NAALADL2: variants seen among roughly 807,000 people sequenced by gnomAD.
NAALADL2 encodes inactive N-acetylated-alpha-linked acidic dipeptidase-like protein 2.
A neutral mutation model predicts 87.2 loss-of-function variants in NAALADL2; 76 were observed. That is an observed-to-expected ratio of 0.87 (90% CI 0.72 to 1.05). NAALADL2 has a LOEUF of 1.05. Ranked by LOEUF, NAALADL2 falls within the 50% of genes least tolerant of loss-of-function variation. The pLI is 0.00. For missense variants in NAALADL2, 1,089 were observed against 945.8 expected, an observed-to-expected ratio of 1.15 and a Z score of -1.99; for synonymous variants, 354 against 331.0, an observed-to-expected ratio of 1.07 and a Z score of -0.75.
chr3:175,660,801 C>T (rs1732146477), intron 11 of NAALADL2, among the ~76,000 whole-genome samples: 1 of 151,950 alleles, frequency 6.6e-6, no homozygotes, highest in Admixed American at 6.6e-5. Context: ...ACATAATGAC[C>T]TCCAGATCCA....
intron 3 of NAALADL2, among the ~76,000 whole-genome samples, chr3:175,236,278 T>A (rs1453575391): frequency 1.3e-5 from 2 of 152,034 alleles, no homozygotes; most frequent in Admixed American, 1.3e-4. Context: ...TAGCAGCACT[T>A]TGGGGAGGCC....
chr3:174,514,343 C>A (rs910525187), intron 1 of NAALADL2, among the ~76,000 whole-genome samples: 1 of 152,190 alleles, frequency 6.6e-6, no homozygotes, highest in East Asian at 1.9e-4. Flanking sequence ...ACAACAAAGT[C>A]TCTATGTATA....
At position 175,374,553 on chromosome 3, in the gene NAALADL2, G is replaced by GAAAAAAAAA. The variant is rs765485400; in HGVS notation, c.1090+50252_1090+50260dup. 2.2e-4 allele frequency among the ~76,000 whole-genome samples: 10 copies of GAAAAAAAAA among 45,408 alleles called. 1 individual carries two copies. Among genetic ancestry groups the GAAAAAAAAA allele is most frequent in the Admixed American group, 4.5e-4 (1 of 2,214 alleles). The allele number at this position is 45,408 out of a possible 152,430, so 29.8% of individuals were successfully genotyped here. A position where few individuals can be genotyped will look rare whatever the true frequency, so the allele number is the denominator to read the frequency against. Reference sequence around the variant, plus strand: ...AGTGCTGAGTACCACTGCATCTCCAGAAAAAAAAAAAAAAAAAAAAAAAAA... The same window carrying GAAAAAAAAA: ...AGTGCTGAGTACCACTGCATCTCCAGAAAAAAAAAAAAAAAAAAAAAAAAAAAAAAAAAA... On this transcript the variant is annotated intron_variant, in intron 5 of 13. Coordinates refer to ENST00000454872, the MANE Select transcript of NAALADL2 (RefSeq NM_207015.3).
intron 2 of NAALADL2, among the ~76,000 whole-genome samples, chr3:175,217,804 A>G (rs538655583): frequency 6.6e-6 from 1 of 152,334 alleles, no homozygotes; most frequent in South Asian, 2.1e-4. Flanking sequence ...GCTCTAAAGA[A>G]TTAAATCATT....
chr3:175,313,358 A>G (rs953652348), intron 4 of NAALADL2, among the ~76,000 whole-genome samples: 52 of 152,172 alleles, frequency 3.4e-4, no homozygotes, highest in African/African-American at 1.3e-3. Flanking sequence ...TATTTTTGTT[A>G]CTCTTCTTAT....
intron 3 of NAALADL2, among the ~76,000 whole-genome samples, chr3:174,780,419 C>T (rs1715805450): frequency 6.6e-6 from 1 of 152,112 alleles, no homozygotes; most frequent in Non-Finnish European, 1.5e-5. Flanking sequence ...ACAATCATGT[C>T]ATCTGCAAAC....
At chr3:175,736,462 C>T (rs941057771) in intron 11 of NAALADL2, among the ~76,000 whole-genome samples, 5 of 152,078 alleles carry the variant, frequency 3.3e-5, no homozygotes, top group Non-Finnish European at 7.4e-5. Context: ...AAGATCTACC[C>T]GTGAAGACAC....
At chr3:175,520,665 T>C (rs190090116) in intron 9 of NAALADL2, among the ~76,000 whole-genome samples, 2 of 152,284 alleles carry the variant, frequency 1.3e-5, no homozygotes, top group Non-Finnish European at 2.9e-5. Context: ...GCATCTGAAA[T>C]TGCAGGATGT....
intron 2 of NAALADL2, among the ~76,000 whole-genome samples, chr3:175,159,447 A>G (rs887671758): frequency 4.6e-5 from 7 of 152,298 alleles, no homozygotes; most frequent in South Asian, 4.1e-4. Context: ...AAGGGTTAAG[A>G]GTTTTGTTTT....
intron 10 of NAALADL2, among the ~76,000 whole-genome samples, chr3:175,614,172 C>A (rs1454149172): frequency 2.6e-5 from 4 of 152,186 alleles, no homozygotes; most frequent in Admixed American, 2.6e-4. Flanking sequence ...CCTGCCTCAT[C>A]CTCCTGAGTA....
chr3:175,620,027 C>T (rs1203567835), intron 10 of NAALADL2, among the ~76,000 whole-genome samples: 1 of 151,662 alleles, frequency 6.6e-6, no homozygotes, highest in Admixed American at 6.6e-5. Context: ...AGGCACGCTA[C>T]TCACTCTTAA....
chr3:175,427,488 A>G (rs1321020608), intron 5 of NAALADL2, among the ~76,000 whole-genome samples: 3 of 152,218 alleles, frequency 2.0e-5, no homozygotes, highest in Non-Finnish European at 4.4e-5. Context: ...GATCAAAGGC[A>G]GATGCATATT....
At chr3:174,993,536 C>A (rs1014824538) in intron 1 of NAALADL2, among the ~76,000 whole-genome samples, 2 of 151,970 alleles carry the variant, frequency 1.3e-5, no homozygotes, top group Admixed American at 1.3e-4. Flanking sequence ...GGGGAATTGC[C>A]CAAGTCATGG....
At chr3:175,479,102 A>T (rs542510036) in intron 9 of NAALADL2, among the ~76,000 whole-genome samples, 25 of 151,830 alleles carry the variant, frequency 1.6e-4, no homozygotes, top group Non-Finnish European at 3.1e-4. Context: ...TAATTTTATT[A>T]TCTGTTGTTA....
In NAALADL2 at chr3:174,977,163, C is replaced by T. The variant is rs558325790; in HGVS notation, c.43+117713C>T. On this transcript the variant is annotated intron_variant, in intron 1 of 13. Coordinates refer to ENST00000454872, the MANE Select transcript of NAALADL2 (RefSeq NM_207015.3). ...AGAAAGGCAAGTACTACATGACCTCCCATGTCTGTGAAATCCAAAAATGTT... is the reference window on the plus strand; with the variant it reads ...AGAAAGGCAAGTACTACATGACCTCTCATGTCTGTGAAATCCAAAAATGTT... Among the ~76,000 whole-genome samples, 5 of 152,242 alleles carry T rather than the reference C, an allele frequency of 3.3e-5. No individual in the cohort carries two copies. The South Asian group carries it at 1.0e-3, about 32-fold the overall frequency.
chr3:174,576,848 A>C (rs147118514), intron 2 of NAALADL2, among the ~76,000 whole-genome samples: 1 of 152,162 alleles, frequency 6.6e-6, no homozygotes, highest in African/African-American at 2.4e-5. Context: ...TTATTATGAC[A>C]GTCAATTGCA....
At chr3:174,996,347 A>T (rs1579929699) in intron 1 of NAALADL2, among the ~76,000 whole-genome samples, 1 of 150,046 alleles carries the variant, frequency 6.7e-6, no homozygotes, top group African/African-American at 2.5e-5. Context: ...AATAAAAAAA[A>T]TTAGCTGGGC....
chr3:175,318,781 A>G (rs1286859106), intron 4 of NAALADL2, among the ~76,000 whole-genome samples: 1 of 152,164 alleles, frequency 6.6e-6, no homozygotes, highest in Non-Finnish European at 1.5e-5. Flanking sequence ...TCACCTTTGT[A>G]ATTAAACTAC....
chr3:175,515,094 T>G (rs781165659), intron 9 of NAALADL2, among the ~76,000 whole-genome samples: 3 of 152,232 alleles, frequency 2.0e-5, no homozygotes, highest in Non-Finnish European at 2.9e-5. Context: ...TGTAGAACTA[T>G]CAAAGGATTC....
Sources: gnomAD v4.1 joint callset for allele counts (sites outside exome capture counted in the v4.1 genomes callset) on GRCh38, gnomAD v4.1.1 for gene constraint, MANE v1.5 for transcripts, NCBI Gene and HGNC (gene_info 2026-07-23, HGNC 2026-07-21) for gene names.